The following TTN variants were observed in gnomAD, a reference collection of about 807,000 sequenced individuals.
The protein encoded by TTN is connectin.
TTN carries 1,525 observed loss-of-function variants against 3,223.0 expected under a neutral mutation model. That is an observed-to-expected ratio of 0.47 (90% confidence interval 0.45 to 0.49). TTN has a LOEUF of 0.49. Ranked by LOEUF, TTN falls within the 20% of genes least tolerant of loss-of-function variation. The pLI is 0.00. For missense variants in TTN, 40,786 were observed against 43,424.0 expected (o/e 0.94, Z 5.40); for synonymous variants, 14,094 against 15,161.0 (o/e 0.93, Z 5.17).
intron 2 of TTN, among the ~76,000 whole-genome samples, chr2:178,802,696 T>C (rs2094128415): frequency 6.6e-6 from 1 of 152,150 alleles, no homozygotes; most frequent in African/African-American, 2.4e-5. Context: ...CTTATAAAAA[T>C]GAAGAACCAA....
Position 178,636,935 on chromosome 2 carries a change from G to A in TTN, c.40928-136C>T, listed in dbSNP as rs2060508710. The A allele has an allele frequency of 3.1e-6, 3 of 971,230 alleles. No homozygotes were observed. In the East Asian group the frequency reaches 7.9e-5, roughly 26 times the overall value. 60.2% of individuals were successfully genotyped at this position (971,230 alleles called of 1,614,324 possible). ...AAACTAAAGACCAGGCAATTGAAAG[G>A]CCAATTGAGTTTATACTGCCTTGTT... On this transcript the variant is annotated intron_variant, in intron 224 of 362. Transcript: ENST00000589042. The surrounding 1 kb of genome is among the most constrained non-coding windows in gnomAD (Gnocchi z 4.3).
At chr2:178,746,647 T>A (rs112968472) in intron 47 of TTN, 1 of 1,613,116 alleles carries the variant, frequency 6.2e-7, no homozygotes, top group African/African-American at 1.3e-5. Context: ...ACATGTACTC[T>A]CCCCCTTCTC....
In TTN at chr2:178,575,902, G is replaced by T. The variant is rs370698218; in HGVS notation, c.70230C>A (p.Thr23410=). ...TTTCAATGGTCATGACAAATTTACCGGTATCATATCTGTTACATTCTGGGA... is the reference window on the plus strand; with the variant it reads ...TTTCAATGGTCATGACAAATTTACCTGTATCATATCTGTTACATTCTGGGA... ...LIIPECNRYD[T]GKFVMTIENP... Residue 23410 remains threonine (T), a synonymous_variant, in exon 326 of 363, where the codon ACC becomes ACA. Coordinates refer to ENST00000589042, the MANE Select transcript of TTN (RefSeq NM_001267550.2). The surrounding 1 kb of genome is among the most constrained non-coding windows in gnomAD (Gnocchi z 4.0). 3 of 1,613,364 alleles carry T rather than the reference G, an allele frequency of 1.9e-6. No homozygotes were observed. The highest frequency in any genetic ancestry group is 2.5e-6 in the Non-Finnish European group (3 of 1,179,604).
In TTN at chr2:178,766,630, T is replaced by TAA. The variant is rs201990196; in HGVS notation, c.9472-20_9472-19dup. The TAA allele has an allele frequency of 3.1e-6, 5 of 1,593,194 alleles. No homozygotes were observed. In the African/African-American group the frequency reaches 6.7e-5, roughly 21 times the overall value. On this transcript the variant is annotated intron_variant, in intron 40 of 362. Coordinates refer to ENST00000589042, the MANE Select transcript of TTN (RefSeq NM_001267550.2). ...TCAATGACCTGTTGATGGAACAACA[T>TAA]AAAAAAACAACAACAACAACAAAAA...
rs1269389543 is a variant in TTN at position 178,607,821 on chromosome 2, C to T, written c.52966G>A (p.Gly17656Arg). The change falls in exon 276 of 363, where the codon GGA (glycine) becomes AGA (arginine). Residue 17656 changes from glycine (G) to arginine (R), a missense_variant. By Grantham distance (125) the Gly-to-Arg change is moderately radical. Coordinates refer to ENST00000589042, the MANE Select transcript of TTN (RefSeq NM_001267550.2). ...GCCACAGTAACAGGTTGTGTTTCTC[C>T]AGGCGGTCCTTCCCCTGCGGCATTG... Reference protein sequence around the residue: ...AVNAAGEGPPGETQPVTVAEP... With the variant: ...AVNAAGEGPPRETQPVTVAEP... The T allele has an allele frequency of 6.2e-6, 10 of 1,612,840 alleles. No individual in the cohort carries two copies. The highest frequency in any genetic ancestry group is 8.5e-6 in the Non-Finnish European group (10 of 1,179,324).
At chr2:178,671,008 T>C in intron 156 of TTN, 82 bp downstream of exon 156, 1 of 963,734 alleles carries the variant, frequency 1.0e-6, no homozygotes, top group Admixed American at 2.9e-5. Flanking sequence ...AGACATCAAG[T>C]GGAATGCAAA....
In TTN at chr2:178,665,667, A is replaced by C. The variant is rs368360150; in HGVS notation, c.35959+41T>G. 3 of 1,279,244 alleles carry C rather than the reference A, an allele frequency of 2.3e-6. No individual in the cohort carries two copies. The East Asian group carries it at 8.1e-5, about 34-fold the overall frequency. 79.2% of individuals were successfully genotyped at this position (1,279,244 alleles called of 1,614,324 possible). On this transcript the variant is annotated intron_variant, in intron 164 of 362. Coordinates refer to ENST00000589042, the MANE Select transcript of TTN (RefSeq NM_001267550.2). ...CCCTAGCACCCTGTACATGCTAAGC[A>C]CTCTAATAAATGAAGGAAGGAATGG... is the stretch of plus-strand genomic sequence containing the variant.
rs746749916 is a variant in TTN, at chr2:178,570,157, C to A, written c.75975G>T (p.Trp25325Cys). The A allele has an allele frequency of 5.6e-6, 9 of 1,613,468 alleles. No individual in the cohort carries two copies. In the South Asian group the frequency reaches 9.9e-5, roughly 18 times the overall value. The change falls in exon 326 of 363, where the codon TGG becomes TGT. Residue 25325 changes from tryptophan (W) to cysteine (C), a missense_variant. By Grantham distance (215) the Trp-to-Cys change is radical (BLOSUM62 -2). Coordinates refer to ENST00000589042, the MANE Select transcript of TTN (RefSeq NM_001267550.2). ...TACCACCATCAGATGCTGGTCTTTC[C>A]CATACAACAATCATTGAGTCCTTGG... ...TVTKDSMIVV[W>C]ERPASDGGSE... is the part of the protein sequence containing the mutation.
At position 178,719,916 on chromosome 2, in the gene TTN, A is replaced by G. The variant is rs190356332; in HGVS notation, c.23659+67T>C. 3.6e-5 allele frequency: 56 copies of G among 1,543,004 alleles called. No homozygotes were observed. The East Asian group carries it at 1.3e-3, about 35-fold the overall frequency. On this transcript the variant is annotated intron_variant, in intron 81 of 362. Transcript: ENST00000589042. ...ATCACTGAATTACTGGATAAGAGGA[A>G]TATTTGAGGAAAATGATCATGGATC...
At chr2:178,735,043 G>A (rs550584771) in intron 50 of TTN, 55 bp from the exon 51 acceptor site, 39 of 1,465,048 alleles carry the variant, frequency 2.7e-5, no homozygotes, top group East Asian at 1.7e-4. Flanking sequence ...CATAAACTCC[G>A]CAAAAGAAAA....
In TTN at chr2:178,614,152, T is replaced by A. The variant is rs779906601; in HGVS notation, c.49245A>T (p.Leu16415Phe). 6.2e-7 allele frequency: 1 copy of A among 1,612,490 alleles called. No homozygotes were observed. Among genetic ancestry groups the A allele is most frequent in the African/African-American group, 1.3e-5 (1 of 74,934 alleles). The part of the protein sequence containing the change: ...VKDTNFKATK[L>F]IPNKEYIFRV... Reference sequence around the variant, plus strand: ...TGAAGATGTACTCTTTATTGGGGATTAATTTGGTGGCCTTGAAGTTTGTAT... The same window carrying A: ...TGAAGATGTACTCTTTATTGGGGATAAATTTGGTGGCCTTGAAGTTTGTAT... Residue 16415 changes from leucine (L) to phenylalanine (F), a missense_variant, in exon 262 of 363, where the codon TTA becomes TTT. Leu to Phe is a conservative substitution (Grantham distance 22). Coordinates refer to ENST00000589042, the MANE Select transcript of TTN (RefSeq NM_001267550.2).
rs1247947470 is a variant in TTN, at chr2:178,735,988, C to G, written c.14458G>C (p.Gly4820Arg). 6.2e-7 allele frequency: 1 copy of G among 1,613,678 alleles called. No homozygotes were observed. Among genetic ancestry groups the G allele is most frequent in the Non-Finnish European group, 8.5e-7 (1 of 1,179,768 alleles). ...CAAATGGTTTCTATCACAGGAGTCC[C>G]TGTCACTGTGCAGATGAACTTGGCT... ...KAAKFICTVTGTPVIETIWQK... is the reference protein window; with the variant it reads ...KAAKFICTVTRTPVIETIWQK... The change falls in exon 50 of 363, where the codon GGG (glycine) becomes CGG (arginine). Residue 4820 changes from glycine (G) to arginine (R), a missense_variant. By Grantham distance (125) the Gly-to-Arg change is moderately radical. Coordinates refer to ENST00000589042, the MANE Select transcript of TTN (RefSeq NM_001267550.2).
rs876657620 is a variant in TTN, at chr2:178,747,907, G to A, written c.11311+5217C>T. ...GTTCTTCAGTCATCAAGAGTGGGAA[G>A]CACTGACTCAGGGAGAGCTGTCTAT... On this transcript the variant is annotated intron_variant, in intron 47 of 362. Coordinates refer to ENST00000589042, the MANE Select transcript of TTN (RefSeq NM_001267550.2). The A allele has an allele frequency of 1.9e-6, 3 of 1,613,168 alleles. No individual in the cohort carries two copies.
Position 178,566,899 on chromosome 2 carries a change from A to T in TTN, c.79233T>A (p.Asp26411Glu). Residue 26411 changes from aspartate to glutamate, a missense_variant, in exon 326 of 363, where the codon GAT (aspartate) becomes GAA (glutamate). Coordinates refer to ENST00000589042, the MANE Select transcript of TTN (RefSeq NM_001267550.2). ...DSMTVCWNRP[D>E]SDGGSEIIGY... ...CAATAATCTCACTTCCACCATCACTATCTGGACGGTTCCAACAGACGGTCA... is the reference window on the plus strand; with the variant it reads ...CAATAATCTCACTTCCACCATCACTTTCTGGACGGTTCCAACAGACGGTCA... The T allele has an allele frequency of 6.2e-7, 1 of 1,613,522 alleles. No homozygotes were observed. Among genetic ancestry groups the T allele is most frequent in the Non-Finnish European group, 8.5e-7 (1 of 1,179,654 alleles).
chr2:178,725,272 G>A (rs1410346869), intron 71 of TTN, 96 bp downstream of exon 71: 2 of 1,306,790 alleles, frequency 1.5e-6, no homozygotes, highest in Non-Finnish European at 2.0e-6. Flanking sequence ...GATAAATATA[G>A]TTCTAGAAGA....
In TTN at chr2:178,555,113, ACTT is replaced by A. The variant is rs1700857477; in HGVS notation, c.88343_88345del (p.Glu29448del). ...AGATGTACCTGCTCTGTATTTGACA[ACTT>A]CTGTATATTCTAGAGGCAAATCAAT... On this transcript the variant is annotated inframe_deletion, in exon 331 of 363. Transcript: ENST00000589042. 1 of 1,613,414 alleles carries A rather than the reference ACTT, an allele frequency of 6.2e-7. No individual in the cohort carries two copies. The highest frequency in any genetic ancestry group is 8.5e-7 in the Non-Finnish European group (1 of 1,179,754).
chr2:178,778,203 A>C lies in TTN; in HGVS notation c.4209-228T>G, dbSNP rs1023450070. ...TAGCTGGTAGTCATTCAGTATATCC[A>C]GGTACCCAGGCTCAAAAATCTTGGA... is the stretch of plus-strand genomic sequence containing the variant. On this transcript the variant is annotated intron_variant, in intron 24 of 362. Coordinates refer to ENST00000589042, the MANE Select transcript of TTN (RefSeq NM_001267550.2). The C allele has an allele frequency of 5.6e-5, 31 of 551,320 alleles. No homozygotes were observed. In the African/African-American group the frequency reaches 5.9e-4, roughly 10 times the overall value. 34.2% of individuals were successfully genotyped at this position (551,320 alleles called of 1,614,324 possible).
intron 265 of TTN, 38 bp from the exon 266 acceptor site, chr2:178,612,614 T>A: frequency 3.2e-6 from 5 of 1,581,906 alleles, no homozygotes; most frequent in Non-Finnish European, 4.3e-6. Context: ...CATTTTTTTT[T>A]TTATTACCCA....
chr2:178,600,410 C>CATATATATATATATAT (rs10684593), intron 288 of TTN: 24 of 142,238 alleles, frequency 1.7e-4, no homozygotes, highest in East Asian at 1.1e-3. Context: ...GAATTATTAC[C>CATATATATATATATAT]ATATATATAT....
Sources: allele counts gnomAD v4.1 joint callset (sites outside exome capture counted in the v4.1 genomes callset), GRCh38; gene constraint gnomAD v4.1.1; non-coding constraint Gnocchi (gnomAD v3.1); transcripts MANE v1.5; gene names NCBI Gene and HGNC (gene_info 2026-07-23, HGNC 2026-07-21).